NSMCE2: variants seen among roughly 807,000 people sequenced by gnomAD.
The protein encoded by NSMCE2 is NSE2 SUMO ligase component of SMC5/6 complex, also known as E3 SUMO-protein ligase NSE2.
Under a neutral mutation model 23.8 loss-of-function variants are expected in NSMCE2, and 24 were observed. The ratio of observed to expected loss-of-function variants is 1.01; its 90% CI spans 0.73 to 1.42. NSMCE2 has a LOEUF of 1.42. Among genes scored for constraint, NSMCE2 ranks in the 40% most tolerant of loss-of-function variants. NSMCE2 has a pLI of 0.00. For missense variants in NSMCE2, 284 were observed against 296.5 expected, an observed-to-expected ratio of 0.96 and a Z score of 0.31; for synonymous variants, 92 against 94.1, an observed-to-expected ratio of 0.98 and a Z score of 0.13.
chr8:125,281,586 T>C (rs1036914921), intron 5 of NSMCE2, among the ~76,000 whole-genome samples: 13 of 151,732 alleles, frequency 8.6e-5, no homozygotes, highest in African/African-American at 2.7e-4. Context: ...ATTACAGGAG[T>C]GCGCCATCAC....
intron 1 of NSMCE2, among the ~76,000 whole-genome samples, chr8:125,098,912 G>T (rs1586419576): frequency 1.3e-5 from 2 of 152,226 alleles, no homozygotes; most frequent in Admixed American, 1.3e-4. Flanking sequence ...ACACTAGGTG[G>T]ATGGGAGAGG....
At chr8:125,356,025 T>C (rs537207270) in intron 5 of NSMCE2, among the ~76,000 whole-genome samples, 3 of 152,256 alleles carry the variant, frequency 2.0e-5, no homozygotes, top group South Asian at 4.1e-4. Flanking sequence ...AAACTGTCTT[T>C]ATAATAATAG....
At position 125,132,876 on chromosome 8, in the gene NSMCE2, A is replaced by G. The variant is rs540603480; in HGVS notation, c.158-18295A>G. Among the ~76,000 whole-genome samples the G allele has an allele frequency of 7.2e-5, 11 of 152,352 alleles. No homozygotes were observed. The South Asian group carries it at 1.4e-3, about 20-fold the overall frequency. On this transcript the variant is annotated intron_variant, in intron 3 of 7. Transcript: ENST00000287437. The stretch of plus-strand genomic sequence containing the variant: ...CATATGAATGTAAAAGTACAGTAAC[A>G]TAGAACATGAGATAAGACTAGATTT...
intron 7 of NSMCE2, among the ~76,000 whole-genome samples, 200 bp downstream of exon 7, chr8:125,358,018 G>A (rs758501960): frequency 6.6e-6 from 1 of 152,178 alleles, no homozygotes; most frequent in East Asian, 1.9e-4. Flanking sequence ...AAGAAGCTGA[G>A]GGAACTTCAA....
At chr8:125,234,862 C>T (rs935259068) in intron 5 of NSMCE2, among the ~76,000 whole-genome samples, 23 of 152,030 alleles carry the variant, frequency 1.5e-4, no homozygotes, top group Admixed American at 1.2e-3. Flanking sequence ...AACTCTTGTC[C>T]GCCTAATCCC....
At chr8:125,364,874 A>G (rs1475966574) in intron 7 of NSMCE2, among the ~76,000 whole-genome samples, 1 of 152,212 alleles carries the variant, frequency 6.6e-6, no homozygotes, top group Non-Finnish European at 1.5e-5. Context: ...CTGTGGTCTC[A>G]TAACTAGCAA....
intron 5 of NSMCE2, among the ~76,000 whole-genome samples, chr8:125,297,833 C>CAA (rs35135540): frequency 2.7e-5 from 4 of 147,070 alleles, no homozygotes; most frequent in Admixed American, 6.8e-5. Context: ...GACTCTGTCT[C>CAA]AAAAAAAAAA....
chr8:125,319,895 G>A (rs1295369217), intron 5 of NSMCE2, among the ~76,000 whole-genome samples: 2 of 152,058 alleles, frequency 1.3e-5, no homozygotes, highest in Non-Finnish European at 2.9e-5. Flanking sequence ...AATTGTGGCT[G>A]GCCAGGCGTG....
At chr8:125,224,028 G>T (rs1411486081) in intron 5 of NSMCE2, among the ~76,000 whole-genome samples, 2 of 151,992 alleles carry the variant, frequency 1.3e-5, no homozygotes, top group African/African-American at 4.8e-5. Flanking sequence ...TAGTAGAGAG[G>T]AGGTCTGGCT....
At chr8:125,245,994 A>T (rs1459130516) in intron 5 of NSMCE2, among the ~76,000 whole-genome samples, 3 of 151,980 alleles carry the variant, frequency 2.0e-5, no homozygotes, top group Non-Finnish European at 4.4e-5. Flanking sequence ...ACTGCACTCC[A>T]GCCTGGGCAA....
intron 5 of NSMCE2, among the ~76,000 whole-genome samples, chr8:125,305,257 C>T (rs781624110): frequency 6.6e-6 from 1 of 152,174 alleles, no homozygotes; most frequent in Non-Finnish European, 1.5e-5. Context: ...TCATGATAAC[C>T]CTACGGAGTA....
At chr8:125,149,420 A>C (rs1292580346) in intron 3 of NSMCE2, among the ~76,000 whole-genome samples, 1 of 152,188 alleles carries the variant, frequency 6.6e-6, no homozygotes, top group Non-Finnish European at 1.5e-5. Context: ...GTAGAAAAGA[A>C]AAACTGACAT....
rs117071226 is a variant in NSMCE2 at position 125,216,367 on chromosome 8, C to T, written c.418+34111C>T. 6.5e-3 allele frequency among the ~76,000 whole-genome samples: 996 copies of T among 152,262 alleles called. 44 individuals carry two copies. In the East Asian group the frequency reaches 0.14, roughly 21 times the overall value. On this transcript the variant is annotated intron_variant, in intron 5 of 7. Transcript: ENST00000287437. ...ATCAAATGATCTGTGGGTCCGGGCG[C>T]GATGGCTCATGCCTGTAATCCCAGC...
intron 5 of NSMCE2, among the ~76,000 whole-genome samples, chr8:125,316,719 T>TCCC (rs1563780200): frequency 6.5e-5 from 5 of 76,386 alleles, no homozygotes; most frequent in Non-Finnish European, 1.0e-4. Context: ...TCTTTCCTTC[T>TCCC]TTCTTTCCTT....
chr8:125,271,399 TGTG>T (rs1827185739), intron 5 of NSMCE2, among the ~76,000 whole-genome samples: 1 of 152,288 alleles, frequency 6.6e-6, no homozygotes, highest in South Asian at 2.1e-4. Context: ...TTTGGAATGT[TGTG>T]GTAATCACTT....
intron 5 of NSMCE2, among the ~76,000 whole-genome samples, chr8:125,271,944 A>T (rs1298284311): frequency 1.3e-5 from 2 of 151,656 alleles, no homozygotes; most frequent in Admixed American, 6.6e-5. Flanking sequence ...AAACCCAGAG[A>T]TATTCGGTGA....
intron 3 of NSMCE2, among the ~76,000 whole-genome samples, chr8:125,149,226 T>G (rs6470339): frequency 0.37 from 55,756 of 152,048 alleles, 13,769 homozygotes; most frequent in African/African-American, 0.7. Flanking sequence ...TGTGTATTCT[T>G]TGCTGCCTGG....
At chr8:125,125,313 C>T (rs926268702) in intron 3 of NSMCE2, among the ~76,000 whole-genome samples, 1 of 152,212 alleles carries the variant, frequency 6.6e-6, no homozygotes, top group Non-Finnish European at 1.5e-5. Context: ...CTCCCTTCCT[C>T]CTGCAGTGGC....
At chr8:125,366,294 A>G (rs899398200) in intron 7 of NSMCE2, among the ~76,000 whole-genome samples, 2 of 152,228 alleles carry the variant, frequency 1.3e-5, no homozygotes, top group Non-Finnish European at 2.9e-5. Flanking sequence ...TAATCCCAGC[A>G]CTTTGGGAGG....
Sources: gnomAD v4.1 joint callset for allele counts (sites outside exome capture counted in the v4.1 genomes callset) on GRCh38, gnomAD v4.1.1 for gene constraint, MANE v1.5 for transcripts, NCBI Gene and HGNC (gene_info 2026-07-23, HGNC 2026-07-21) for gene names.